The following PARP4 variants were observed in gnomAD, a reference collection of about 807,000 sequenced individuals.
The protein encoded by PARP4 is poly(ADP-ribose) polymerase family member 4.
Under a neutral mutation model 187.7 loss-of-function variants are expected in PARP4, and 120 were observed. That is an observed-to-expected ratio of 0.64 (90% CI 0.55 to 0.74). The LOEUF is 0.74. Among genes scored for constraint, PARP4 ranks in the 30% least tolerant of loss-of-function variants. The pLI is 0.00. For synonymous variants in PARP4, 654 were observed against 740.9 expected (o/e 0.88, Z 1.90); for missense variants, 1,836 against 2,070.5 (o/e 0.89, Z 2.20).
At chr13:24,511,053 G>A (rs1038132884) in intron 1 of PARP4, among the ~76,000 whole-genome samples, 2 of 152,200 alleles carry the variant, frequency 1.3e-5, no homozygotes. Flanking sequence ...CTCCCAGAGT[G>A]CTGGGGTTAC....
intron 15 of PARP4, among the ~76,000 whole-genome samples, chr13:24,471,215 T>C (rs1872717328): frequency 6.6e-6 from 1 of 152,200 alleles, no homozygotes; most frequent in South Asian, 2.1e-4. Flanking sequence ...CTCAAAGGCA[T>C]GTATGCTTGC....
At chr13:24,483,208 C>A (rs113956580) in intron 12 of PARP4, among the ~76,000 whole-genome samples, 1 of 151,424 alleles carries the variant, frequency 6.6e-6, no homozygotes, top group East Asian at 1.9e-4. Flanking sequence ...TTTTTTTGGC[C>A]GGGCGCGGTG....
At chr13:24,501,895 T>C (rs1032278039) in intron 2 of PARP4, 61 bp from the exon 3 acceptor site, 2 of 1,018,166 alleles carry the variant, frequency 2.0e-6, no homozygotes, top group African/African-American at 1.6e-5. Flanking sequence ...AATAAGATAT[T>C]TGTATCTGTA....
In PARP4 at chr13:24,501,776, A is replaced by AT; in HGVS notation, c.190dup (p.Ile64AsnfsTer30). ...TGCAATATGAACGTGGTTCTTTTGG[A>AT]TAGAATTCAGTTGGTACTGACTCAG... On this transcript the variant is annotated frameshift_variant, in exon 3 of 34. Transcript: ENST00000381989. LOFTEE classifies it high-confidence loss of function. The AT allele has an allele frequency of 6.2e-7, 1 of 1,613,212 alleles. No homozygotes were observed. Among genetic ancestry groups the AT allele is most frequent in the Non-Finnish European group, 8.5e-7 (1 of 1,179,184 alleles).
At chr13:24,481,511 G>T (rs1873281558) in intron 12 of PARP4, among the ~76,000 whole-genome samples, 1 of 152,192 alleles carries the variant, frequency 6.6e-6, no homozygotes, top group African/African-American at 2.4e-5. Context: ...TGCCCAATAT[G>T]ATGAAACCCT....
chr13:24,456,632 A>T (rs2137477712), intron 20 of PARP4, among the ~76,000 whole-genome samples, 154 bp from the exon 21 acceptor site: 2 of 152,322 alleles, frequency 1.3e-5, no homozygotes, highest in East Asian at 3.9e-4. Context: ...AATGAAATGT[A>T]GGCCGGGTGC....
intron 30 of PARP4, among the ~76,000 whole-genome samples, chr13:24,436,462 C>T (rs1593590924): frequency 6.6e-6 from 1 of 151,976 alleles, no homozygotes; most frequent in East Asian, 1.9e-4. Flanking sequence ...TGACACCATA[C>T]CCAGCTAATT....
chr13:24,486,081 A>G (rs1365752887), intron 11 of PARP4, 87 bp downstream of exon 11: 1 of 1,206,548 alleles, frequency 8.3e-7, no homozygotes, highest in African/African-American at 1.5e-5. Flanking sequence ...GACTCACGTA[A>G]TATAGAAAAA....
intron 12 of PARP4, among the ~76,000 whole-genome samples, chr13:24,479,957 C>A (rs1433571909): frequency 6.6e-6 from 1 of 152,086 alleles, no homozygotes; most frequent in Non-Finnish European, 1.5e-5. Context: ...CGAACAACTC[C>A]AGATGCGCCG....
intron 20 of PARP4, among the ~76,000 whole-genome samples, chr13:24,457,270 C>T (rs1871908038): frequency 6.6e-6 from 1 of 152,088 alleles, no homozygotes; most frequent in Admixed American, 6.6e-5. Context: ...GTCACATGAC[C>T]ACAAAGTCTC....
chr13:24,476,067 G>A (rs1490520156), intron 14 of PARP4, among the ~76,000 whole-genome samples: 2 of 151,938 alleles, frequency 1.3e-5, no homozygotes, highest in Admixed American at 6.6e-5. Flanking sequence ...GACTATGGGC[G>A]TGAGACACTA....
intron 1 of PARP4, among the ~76,000 whole-genome samples, chr13:24,509,098 AT>A (rs538324193): frequency 6.6e-6 from 1 of 152,196 alleles, no homozygotes; most frequent in African/African-American, 2.4e-5. Flanking sequence ...AGTTTGAACA[AT>A]TTTTTTGTGT....
At chr13:24,456,948 T>G (rs1156308943) in intron 20 of PARP4, among the ~76,000 whole-genome samples, 2 of 151,650 alleles carry the variant, frequency 1.3e-5, no homozygotes, top group African/African-American at 2.4e-5. Flanking sequence ...AATAACAAAA[T>G]GTAGGTTTTA....
At chr13:24,484,825 T>C in intron 11 of PARP4, 77 bp from the exon 12 acceptor site, 4 of 940,684 alleles carry the variant, frequency 4.3e-6, no homozygotes, top group Non-Finnish European at 1.7e-6. Flanking sequence ...TTTGGCAGGT[T>C]CCTACTGAAC....
rs2137422972 is a variant in PARP4, at chr13:24,420,988, C to T, written c.*131G>A. 2 of 1,171,044 alleles carry T rather than the reference C, an allele frequency of 1.7e-6. No individual in the cohort carries two copies. Among genetic ancestry groups the T allele is most frequent in the East Asian group, 6.3e-5 (2 of 31,842 alleles). The allele number at this position is 1,171,044 out of a possible 1,614,324, so 72.5% of individuals were successfully genotyped here. On this transcript the variant is annotated 3_prime_UTR_variant, in exon 34 of 34. Coordinates refer to ENST00000381989, the MANE Select transcript of PARP4 (RefSeq NM_006437.4). ...GTTGATTAAAGTAATTCTTCTTCCA[C>T]TTAATTTTTAAAGACAGTAATTGCT...
intron 2 of PARP4, 102 bp downstream of exon 2, chr13:24,503,543 A>T: frequency 7.3e-7 from 1 of 1,363,656 alleles, no homozygotes; most frequent in Non-Finnish European, 1.0e-6. Flanking sequence ...TAGCTCACTC[A>T]CTCTCTCCTG....
chr13:24,504,277 G>A (rs546455184), intron 1 of PARP4, among the ~76,000 whole-genome samples: 7 of 140,936 alleles, frequency 5.0e-5, no homozygotes, highest in African/African-American at 1.8e-4. Context: ...GTATGTGTGT[G>A]TATACACATA....
Position 24,500,400 on chromosome 13 carries a change from C to G in PARP4, c.335-18G>C, listed in dbSNP as rs2137542439. 10 of 1,560,476 alleles carry G rather than the reference C, an allele frequency of 6.4e-6. 1 individual carries two copies. Among genetic ancestry groups the G allele is most frequent in the African/African-American group, 5.5e-5 (4 of 73,344 alleles). On this transcript the variant is annotated intron_variant, in intron 3 of 33. Coordinates refer to ENST00000381989, the MANE Select transcript of PARP4 (RefSeq NM_006437.4). The stretch of plus-strand genomic sequence containing the variant: ...TTTCACTTCTAGAATTAAAAGCAAA[C>G]AGCACACTTGTTTACTGCCCAAAGA...
At chr13:24,447,233 A>T in intron 25 of PARP4, 47 bp from the exon 26 acceptor site, 1 of 1,369,250 alleles carries the variant, frequency 7.3e-7, no homozygotes, top group Non-Finnish European at 9.9e-7. Flanking sequence ...TCCATCCAGA[A>T]AATAGTTACT....
Sources: allele counts gnomAD v4.1 joint callset (sites outside exome capture counted in the v4.1 genomes callset), GRCh38; gene constraint gnomAD v4.1.1; transcripts MANE v1.5; gene names NCBI Gene and HGNC (gene_info 2026-07-23, HGNC 2026-07-21).